SCIMP: variants seen among roughly 807,000 people sequenced by gnomAD.
The protein encoded by SCIMP is SLP adapter and CSK-interacting membrane protein.
In SCIMP, 18 loss-of-function variants were observed where a neutral mutation model predicts 22.0. That is an observed-to-expected ratio of 0.82 (90% CI 0.56 to 1.21). The LOEUF is 1.21. Ranked by LOEUF, SCIMP falls within the 50% of genes most tolerant of loss-of-function variation. SCIMP has a pLI of 0.00. For missense variants in SCIMP, 155 were observed against 171.2 expected, an observed-to-expected ratio of 0.91 and a Z score of 0.53; for synonymous variants, 53 against 62.2, an observed-to-expected ratio of 0.85 and a Z score of 0.70.
rs1195681173 is a variant in SCIMP at position 5,223,323 on chromosome 17, T to C, written c.145+10A>G. On this transcript the variant is annotated intron_variant, in intron 2 of 4. Transcript: ENST00000574081. The stretch of plus-strand genomic sequence containing the variant: ...CCTCCCTCCACCTGCCTAGGTAAAA[T>C]GGCCATTACCTCGTCTAAGCTGCCA... The C allele has an allele frequency of 6.2e-7, 1 of 1,613,086 alleles. No individual in the cohort carries two copies. Among genetic ancestry groups the C allele is most frequent in the African/African-American group, 1.3e-5 (1 of 74,856 alleles).
chr17:5,210,254 T>G lies in SCIMP; in HGVS notation c.*547A>C, dbSNP rs1269909418. The G allele has an allele frequency of 6.6e-6, 1 of 152,428 alleles. No individual in the cohort carries two copies. Among genetic ancestry groups the G allele is most frequent in the Non-Finnish European group, 1.5e-5 (1 of 68,342 alleles). The allele number at this position is 152,428 out of a possible 1,614,324, so 9.4% of individuals were successfully genotyped here. ...CGAGAACAAAAGGTACTCCCTGCCCTTGCAAACTCGCGAGATGTGGTGTGG... is the reference window on the plus strand; with the variant it reads ...CGAGAACAAAAGGTACTCCCTGCCCGTGCAAACTCGCGAGATGTGGTGTGG... On this transcript the variant is annotated 3_prime_UTR_variant, in exon 5 of 5. Coordinates refer to ENST00000574081, the MANE Select transcript of SCIMP (RefSeq NM_207103.3).
chr17:5,222,043 T>C (rs887096107), intron 2 of SCIMP, among the ~76,000 whole-genome samples: 3 of 150,742 alleles, frequency 2.0e-5, no homozygotes, highest in Non-Finnish European at 4.4e-5. Flanking sequence ...CAAAGAGCTG[T>C]GCTGAGATTA....
At chr17:5,223,309 C>T in intron 2 of SCIMP, 24 bp downstream of exon 2, 1 of 1,612,894 alleles carries the variant, frequency 6.2e-7, no homozygotes, top group Non-Finnish European at 8.5e-7. Flanking sequence ...CTCCCTCCAC[C>T]TGCCTAGGTA....
intron 3 of SCIMP, among the ~76,000 whole-genome samples, chr17:5,218,821 A>C (rs1162636194): frequency 6.6e-6 from 1 of 152,148 alleles, no homozygotes; most frequent in Admixed American, 6.5e-5. Flanking sequence ...ACAGGGTCTC[A>C]CTATGTTGTC....
At chr17:5,220,726 A>G (rs2074600436) in intron 3 of SCIMP, among the ~76,000 whole-genome samples, 1 of 151,290 alleles carries the variant, frequency 6.6e-6, no homozygotes, top group African/African-American at 2.4e-5. Flanking sequence ...CCTGGGTGAC[A>G]GAGTGAGACT....
At chr17:5,232,049 C>G (rs1012716999) in intron 1 of SCIMP, among the ~76,000 whole-genome samples, 2 of 137,100 alleles carry the variant, frequency 1.5e-5, no homozygotes, top group Non-Finnish European at 3.3e-5. Flanking sequence ...GAGCGAGACT[C>G]CGTCTCAAAA....
chr17:5,217,779 A>T (rs2074576621), intron 3 of SCIMP, among the ~76,000 whole-genome samples: 1 of 151,770 alleles, frequency 6.6e-6, no homozygotes, highest in South Asian at 2.1e-4. Context: ...TCCATGGTGT[A>T]TGTGTGCCAC....
chr17:5,220,504 CA>C (rs764878577), intron 3 of SCIMP, among the ~76,000 whole-genome samples: 83 of 151,156 alleles, frequency 5.5e-4, no homozygotes, highest in Non-Finnish European at 1.1e-3. Flanking sequence ...TTTGGGAGGC[CA>C]AGGCGGGTGG....
At chr17:5,229,555 G>A (rs1049907669) in intron 1 of SCIMP, among the ~76,000 whole-genome samples, 13 of 151,454 alleles carry the variant, frequency 8.6e-5, no homozygotes, top group African/African-American at 2.9e-4. Flanking sequence ...CACCATGCCC[G>A]GCTAATTTTT....
At chr17:5,218,314 T>C (rs1020448619) in intron 3 of SCIMP, among the ~76,000 whole-genome samples, 6 of 151,040 alleles carry the variant, frequency 4.0e-5, no homozygotes, top group Non-Finnish European at 8.9e-5. Context: ...CATGAACCAC[T>C]GCCCCTGGCC....
intron 1 of SCIMP, among the ~76,000 whole-genome samples, chr17:5,231,375 A>T (rs1372447367): frequency 2.0e-5 from 3 of 151,586 alleles, no homozygotes; most frequent in Non-Finnish European, 4.4e-5. Context: ...AAAAAAAAAG[A>T]AAAGAAAAAA....
intron 3 of SCIMP, among the ~76,000 whole-genome samples, chr17:5,217,380 TTG>T (rs10554192): frequency 0.51 from 75,203 of 148,774 alleles, 19,188 homozygotes; most frequent in Admixed American, 0.55. Context: ...TTTTGTTTGC[TTG>T]TGTGTGTGTG....
intron 3 of SCIMP, among the ~76,000 whole-genome samples, chr17:5,218,383 A>G (rs2074581268): frequency 6.6e-6 from 1 of 150,894 alleles, no homozygotes; most frequent in African/African-American, 2.4e-5. Context: ...CTCGTCACCC[A>G]GGCTGGAGTG....
At chr17:5,221,876 G>A (rs535305609) in intron 2 of SCIMP, among the ~76,000 whole-genome samples, 2 of 151,976 alleles carry the variant, frequency 1.3e-5, no homozygotes, top group South Asian at 2.1e-4. Flanking sequence ...GGGTTCAAGC[G>A]ATTCTCCTGC....
intron 2 of SCIMP, 50 bp downstream of exon 2, chr17:5,223,283 G>A (rs200243648): frequency 5.0e-5 from 81 of 1,606,796 alleles, no homozygotes; most frequent in Admixed American, 6.8e-5. Context: ...CTACTGCACC[G>A]ATAACCACCT....
At chr17:5,220,543 C>T (rs2074599154) in intron 3 of SCIMP, among the ~76,000 whole-genome samples, 1 of 151,478 alleles carries the variant, frequency 6.6e-6, no homozygotes, top group Non-Finnish European at 1.5e-5. Context: ...TTGAGATCAG[C>T]CTGGCTAACA....
At chr17:5,228,742 G>A (rs1298676740) in intron 1 of SCIMP, among the ~76,000 whole-genome samples, 1 of 152,080 alleles carries the variant, frequency 6.6e-6, no homozygotes, top group Non-Finnish European at 1.5e-5. Context: ...TTATTTGTTT[G>A]TTCCTTGTCT....
intron 3 of SCIMP, 102 bp from the exon 4 acceptor site, chr17:5,215,100 T>A: frequency 2.6e-6 from 2 of 763,682 alleles, no homozygotes; most frequent in Non-Finnish European, 4.7e-6. Context: ...GGTTGAACAT[T>A]CAAATCTTGG....
intron 2 of SCIMP, 106 bp from the exon 3 acceptor site, chr17:5,221,456 A>C (rs1428261411): frequency 1.6e-5 from 13 of 836,348 alleles, no homozygotes; most frequent in Admixed American, 1.5e-4. Context: ...TAAATGATAG[A>C]GCCGGACTTA....
Sources: allele counts gnomAD v4.1 joint callset (sites outside exome capture counted in the v4.1 genomes callset), GRCh38; gene constraint gnomAD v4.1.1; transcripts MANE v1.5; gene names NCBI Gene and HGNC (gene_info 2026-07-23, HGNC 2026-07-21).